The following WNK1 variants were observed in gnomAD, a reference collection of about 807,000 sequenced individuals.
WNK1 encodes the protein WNK lysine deficient protein kinase 1.
Under a neutral mutation model 222.8 loss-of-function variants are expected in WNK1, and 38 were observed. The observed-to-expected ratio is 0.17, with a 90% CI of 0.13 to 0.22. The LOEUF is 0.22. Among genes scored for constraint, WNK1 ranks in the 10% least tolerant of loss-of-function variants. The pLI, the probability that WNK1 is intolerant of heterozygous loss-of-function variation, is 1.00. For missense variants in WNK1, 2,348 were observed against 2,918.4 expected (o/e 0.80, Z 4.50); for synonymous variants, 1,090 against 1,092.9 (o/e 1.00, Z 0.05).
At position 884,933 on chromosome 12, in the gene WNK1, G is replaced by A. The variant is rs902552433; in HGVS notation, c.4129G>A (p.Val1377Met). 3 of 1,614,020 alleles carry A rather than the reference G, an allele frequency of 1.9e-6. No homozygotes were observed. In the African/African-American group the frequency reaches 4.0e-5, roughly 22 times the overall value. ...STSVIQSEVT[V>M]PTEEGIAGVA... ...ATCAGTAATTCAGTCTGAGGTTACA[G>A]TGCCCACTGAAGAGGGGATTGCTGG... The change falls in exon 19 of 28, where the codon GTG (valine) becomes ATG (methionine). Residue 1377 changes from valine to methionine, a missense_variant. By Grantham distance (21) the Val-to-Met change is conservative (BLOSUM62 1). This residue lies in a region of WNK1 where 1,144 missense variants were observed against 1,273.6 expected (regional missense o/e 0.90). Transcript: ENST00000315939. The surrounding 1 kb of genome is among the most constrained non-coding windows in gnomAD (Gnocchi z 5.6).
chr12:835,509 A>G (rs1481415141), intron 4 of WNK1, among the ~76,000 whole-genome samples: 1 of 152,230 alleles, frequency 6.6e-6, no homozygotes, highest in African/African-American at 2.4e-5. Flanking sequence ...TTTCTACTGA[A>G]TAAGTTTCAT....
Position 865,137 on chromosome 12 carries a change from T to G in WNK1, c.2139+2867T>G, listed in dbSNP as rs1405097782. 3 of 1,518,100 alleles carry G rather than the reference T, an allele frequency of 2.0e-6. No individual in the cohort carries two copies. The South Asian group carries it at 3.6e-5, about 18-fold the overall frequency. The allele number at this position is 1,518,100 out of a possible 1,614,324, so 94.0% of individuals were successfully genotyped here. ...TCGTCGTGGCCGTAGCATGTCGGTT[T>G]GTGTTCCCATCTTTCTGCTGTTGCC... On this transcript the variant is annotated intron_variant, in intron 8 of 27. Transcript: ENST00000315939.
intron 8 of WNK1, among the ~76,000 whole-genome samples, chr12:869,443 T>C (rs1428758192): frequency 6.6e-6 from 1 of 152,200 alleles, no homozygotes; most frequent in Non-Finnish European, 1.5e-5. Flanking sequence ...TGACCCAGCA[T>C]TATTTAGGAA....
At chr12:901,551 C>T (rs1565613945) in intron 26 of WNK1, 1 of 1,287,100 alleles carries the variant, frequency 7.8e-7, no homozygotes, top group African/African-American at 1.5e-5. Context: ...CTGTTTTTCC[C>T]CTCTCACAGG....
intron 4 of WNK1, among the ~76,000 whole-genome samples, chr12:840,872 G>C (rs1949576668): frequency 6.6e-6 from 1 of 152,194 alleles, no homozygotes; most frequent in African/African-American, 2.4e-5. Context: ...AAATGTGTAG[G>C]CAGTCTTTTC....
chr12:850,947 G>T (rs145686762), intron 4 of WNK1, among the ~76,000 whole-genome samples: 2,606 of 152,174 alleles, frequency 0.017, 35 homozygotes, highest in Middle Eastern at 0.051. Context: ...TTTGGTACCA[G>T]TACCATGCTG....
chr12:903,393 G>A (rs1955436125), intron 26 of WNK1, among the ~76,000 whole-genome samples: 1 of 151,964 alleles, frequency 6.6e-6, no homozygotes, highest in Non-Finnish European at 1.5e-5. Context: ...TTAGCACTTT[G>A]ACAGTTGAAT....
chr12:761,589 CA>C (rs1008005572), intron 1 of WNK1, among the ~76,000 whole-genome samples: 1 of 147,752 alleles, frequency 6.8e-6, no homozygotes, highest in African/African-American at 2.4e-5. Flanking sequence ...ACCAAACACA[CA>C]CTAATGTATA....
At chr12:852,448 A>G (rs1181723468) in intron 4 of WNK1, among the ~76,000 whole-genome samples, 1 of 152,230 alleles carries the variant, frequency 6.6e-6, no homozygotes, top group East Asian at 1.9e-4. Flanking sequence ...GTCAAAAAAC[A>G]TATGACACTA....
rs537602135 is a variant in WNK1 at position 767,461 on chromosome 12, C to T, written c.759+13137C>T. ...AGAGACGGGGTTTCACCATATTGGT[C>T]GGGCTGGTCTCAAACTCCTGACCCC... On this transcript the variant is annotated intron_variant, in intron 1 of 27. Transcript: ENST00000315939. Among the ~76,000 whole-genome samples, 91 of 151,604 alleles carry T rather than the reference C, an allele frequency of 6.0e-4. 1 individual carries two copies. The highest frequency in any genetic ancestry group is 1.8e-3 in the African/African-American group (74 of 41,286).
At chr12:793,043 G>A (rs772474720) in intron 1 of WNK1, among the ~76,000 whole-genome samples, 10 of 152,080 alleles carry the variant, frequency 6.6e-5, no homozygotes, top group African/African-American at 1.7e-4. Context: ...ACTAAGTCAC[G>A]GTAGCTGCTA....
At chr12:801,293 T>C (rs1945841646) in intron 1 of WNK1, among the ~76,000 whole-genome samples, 1 of 152,210 alleles carries the variant, frequency 6.6e-6, no homozygotes, top group Non-Finnish European at 1.5e-5. Flanking sequence ...AAGCCTGTTC[T>C]TTGGTGTCAC....
chr12:790,497 A>G (rs565877299), intron 1 of WNK1, among the ~76,000 whole-genome samples: 20 of 152,314 alleles, frequency 1.3e-4, no homozygotes, highest in Non-Finnish European at 2.6e-4. Context: ...TTGGTTGTCT[A>G]TGGGTACTGT....
chr12:885,335 A>G lies in WNK1; in HGVS notation c.4531A>G (p.Ser1511Gly). Residue 1511 changes from serine to glycine, a missense_variant, in exon 19 of 28, where the codon AGC becomes GGC. Around this residue, in one of 13 missense-constraint regions of WNK1, gnomAD observed 1,144 missense variants for 1,273.6 expected, o/e 0.90. Transcript: ENST00000315939. The part of the protein sequence containing the change: ...TASQLCIQLS[S>G]STSTPTLAET... ...TTCACAGCTGTGCATTCAGCTTAGCAGCAGTACTTCTACTCCTACTTTAGC... is the reference window on the plus strand; with the variant it reads ...TTCACAGCTGTGCATTCAGCTTAGCGGCAGTACTTCTACTCCTACTTTAGC... The G allele has an allele frequency of 1.9e-6, 3 of 1,614,160 alleles. No homozygotes were observed. Among genetic ancestry groups the G allele is most frequent in the Non-Finnish European group, 2.5e-6 (3 of 1,180,020 alleles).
intron 4 of WNK1, among the ~76,000 whole-genome samples, chr12:841,017 G>A (rs553315737): frequency 5.3e-5 from 8 of 152,196 alleles, no homozygotes; most frequent in African/African-American, 1.7e-4. Flanking sequence ...GGAAAGACTG[G>A]TGTCACTGTT....
rs1434470278 is a variant in WNK1 at position 861,175 on chromosome 12, C to A, written c.1783C>A (p.Gln595Lys). The change falls in exon 7 of 28, where the codon CAA becomes AAA. Residue 595 changes from glutamine (Q) to lysine (K), a missense_variant. Around this residue, in one of 13 missense-constraint regions of WNK1, gnomAD observed 103 missense variants for 111.5 expected, o/e 0.92. Transcript: ENST00000315939. Reference protein sequence around the residue: ...EESSLKQQVEQSSASQTGIKQ... With the variant: ...EESSLKQQVEKSSASQTGIKQ... Reference sequence around the variant, plus strand: ...GAGCAGTCTCAAACAGCAGGTAGAACAATCCAGTGCTTCCCAGACAGGAAT... The same window carrying A: ...GAGCAGTCTCAAACAGCAGGTAGAAAAATCCAGTGCTTCCCAGACAGGAAT... 5.0e-6 allele frequency: 8 copies of A among 1,613,986 alleles called. No homozygotes were observed. Among genetic ancestry groups the A allele is most frequent in the Non-Finnish European group, 6.8e-6 (8 of 1,179,984 alleles).
At position 885,186 on chromosome 12, in the gene WNK1, G is replaced by T. The variant is rs752421235; in HGVS notation, c.4382G>T (p.Gly1461Val). 6.2e-7 allele frequency: 1 copy of T among 1,614,106 alleles called. No homozygotes were observed. Among genetic ancestry groups the T allele is most frequent in the South Asian group, 1.1e-5 (1 of 91,082 alleles). ...VTVSATSASA[G>V]GSTATPGPKP... ...GTTTCAGCAACTTCAGCCTCTGCAG[G>T]GGGCAGTACTGCTACCCCAGGTCCT... The change falls in exon 19 of 28, where the codon GGG becomes GTG. Residue 1461 changes from glycine (G) to valine (V), a missense_variant. Gly to Val is a moderately radical substitution (Grantham distance 109). This residue lies in a region of WNK1 where 1,144 missense variants were observed against 1,273.6 expected (regional missense o/e 0.90). Coordinates refer to ENST00000315939, the MANE Select transcript of WNK1 (RefSeq NM_018979.4).
Position 883,965 on chromosome 12 carries a change from T to C in WNK1, c.3721+134T>C, listed in dbSNP as rs755926928. On this transcript the variant is annotated intron_variant, in intron 17 of 27. Transcript: ENST00000315939. ...ATCGCTTGAACCCAGGAGGCGGAGG[T>C]TGCAGTGAGCTGAGATCGCGCCACT... The C allele has an allele frequency of 8.1e-4, 1,190 of 1,475,570 alleles. 2 individuals carry two copies. Among genetic ancestry groups the C allele is most frequent in the Non-Finnish European group, 1.0e-3 (1,125 of 1,074,722 alleles). 91.4% of individuals were successfully genotyped at this position (1,475,570 alleles called of 1,614,324 possible). A position where few individuals can be genotyped will look rare whatever the true frequency, so the allele number is the denominator to read the frequency against.
chr12:777,460 G>C (rs1327009014), intron 1 of WNK1, among the ~76,000 whole-genome samples: 1 of 152,028 alleles, frequency 6.6e-6, no homozygotes, highest in East Asian at 1.9e-4. Context: ...GCCCAGCCTG[G>C]AATTTTTAAG....
Sources: gnomAD v4.1 joint callset for allele counts (sites outside exome capture counted in the v4.1 genomes callset) on GRCh38, gnomAD v4.1.1 for gene constraint, gnomAD v4.1.1 regional missense constraint, Gnocchi (gnomAD v3.1) non-coding constraint, MANE v1.5 for transcripts, NCBI Gene and HGNC (gene_info 2026-07-23, HGNC 2026-07-21) for gene names.